The following PGCKA1 variants were observed in gnomAD, a reference collection of about 807,000 sequenced individuals.
The protein encoded by PGCKA1 is PDCD10 and GCKIII kinases associated 1, also known as PDCD10 and GCKIII kinases-associated protein 1.
At chr4:37,543,665 G>GAAAAA in the PGCKA1 span, among the ~76,000 whole-genome samples, 1 of 147,942 alleles carries the variant, frequency 6.8e-6, no homozygotes, top group African/African-American at 2.5e-5. Flanking sequence ...CATCTCTACT[G>GAAAAA]AAAAAAAAAA....
the PGCKA1 span, among the ~76,000 whole-genome samples, chr4:37,517,292 AATATAAATAT>A: frequency 1.4e-4 from 21 of 147,670 alleles, no homozygotes; most frequent in South Asian, 2.1e-4. Context: ...AATATGTATA[AATATAAATAT>A]ATATAAATAT....
chr4:37,543,536 T>C, the PGCKA1 span, among the ~76,000 whole-genome samples: 1 of 152,098 alleles, frequency 6.6e-6, no homozygotes, highest in Admixed American at 6.6e-5. Flanking sequence ...TCTGTTCATT[T>C]CATCTCTTGA....
the PGCKA1 span, among the ~76,000 whole-genome samples, chr4:37,458,636 C>A: frequency 6.6e-6 from 1 of 152,168 alleles, no homozygotes; most frequent in Non-Finnish European, 1.5e-5. Context: ...GTTGGCTCAA[C>A]TTGGTTGCAA....
the PGCKA1 span, among the ~76,000 whole-genome samples, chr4:37,535,644 C>T: frequency 6.6e-6 from 1 of 152,184 alleles, no homozygotes; most frequent in Non-Finnish European, 1.5e-5. Flanking sequence ...CATTTTGATT[C>T]CACATTCGTA....
chr4:37,469,593 G>A, the PGCKA1 span, among the ~76,000 whole-genome samples: 1 of 152,132 alleles, frequency 6.6e-6, no homozygotes, highest in Non-Finnish European at 1.5e-5. Flanking sequence ...GCCCTGGAGG[G>A]TTATTAAAAG....
chr4:37,569,041 G>T, the PGCKA1 span, among the ~76,000 whole-genome samples: 1 of 151,654 alleles, frequency 6.6e-6, no homozygotes, highest in East Asian at 2.0e-4. Flanking sequence ...AGGTTGCAGT[G>T]AGCCGAGATG....
chr4:37,484,974 G>GT, the PGCKA1 span, among the ~76,000 whole-genome samples: 1 of 152,184 alleles, frequency 6.6e-6, no homozygotes, highest in East Asian at 1.9e-4. Context: ...GTATGGATGT[G>GT]TTATATCCAC....
At chr4:37,568,065 C>T in the PGCKA1 span, among the ~76,000 whole-genome samples, 1 of 152,150 alleles carries the variant, frequency 6.6e-6, no homozygotes, top group Non-Finnish European at 1.5e-5. Flanking sequence ...GTGAACCCAG[C>T]AGCAAGAAAG....
chr4:37,557,506 A>C, the PGCKA1 span, among the ~76,000 whole-genome samples: 1 of 152,232 alleles, frequency 6.6e-6, no homozygotes. Flanking sequence ...GACCTGCTTC[A>C]TAGATAACCA....
At chr4:37,472,880 A>C in the PGCKA1 span, among the ~76,000 whole-genome samples, 1 of 152,182 alleles carries the variant, frequency 6.6e-6, no homozygotes, top group Admixed American at 6.5e-5. Context: ...TATACTATCT[A>C]TGAGTTATGT....
At chr4:37,513,114 G>T in the PGCKA1 span, among the ~76,000 whole-genome samples, 2 of 144,840 alleles carry the variant, frequency 1.4e-5, no homozygotes, top group East Asian at 2.0e-4. Context: ...AAGAAAGAAA[G>T]AAAGAAAGAA....
the PGCKA1 span, among the ~76,000 whole-genome samples, chr4:37,474,048 A>G: frequency 6.6e-6 from 1 of 152,066 alleles, no homozygotes; most frequent in African/African-American, 2.4e-5. Context: ...ACTGGCTTGG[A>G]CATTGCTATG....
chr4:37,590,533 A>C, the PGCKA1 span: 12 of 1,614,050 alleles, frequency 7.4e-6, no homozygotes, highest in Admixed American at 2.0e-4. Context: ...AGTCATGAGA[A>C]ATGGAGACTC....
chr4:37,479,820 T>A, the PGCKA1 span, among the ~76,000 whole-genome samples: 95,111 of 152,086 alleles, frequency 0.63, 31,110 homozygotes, highest in Non-Finnish European at 0.73. Context: ...CAAGAAGCTG[T>A]TATAATCAGA....
the PGCKA1 span, among the ~76,000 whole-genome samples, chr4:37,561,927 A>G: frequency 2.6e-4 from 39 of 152,326 alleles, 2 homozygotes; most frequent in East Asian, 2.3e-3. Context: ...AAGCTTATCT[A>G]ACACACACAT....
chr4:37,558,246 G>A, the PGCKA1 span, among the ~76,000 whole-genome samples: 24 of 152,306 alleles, frequency 1.6e-4, no homozygotes, highest in East Asian at 4.4e-3. Context: ...TCAGGTTTGA[G>A]TAGAATTGCT....
At chr4:37,514,551 A>G in the PGCKA1 span, among the ~76,000 whole-genome samples, 75 of 152,302 alleles carry the variant, frequency 4.9e-4, no homozygotes, top group African/African-American at 1.5e-3. Flanking sequence ...CCTACAAATT[A>G]AAAGAAATAT....
chr4:37,592,353 G>GGA, the PGCKA1 span, among the ~76,000 whole-genome samples: 596 of 108,156 alleles, frequency 5.5e-3, 22 homozygotes, highest in Non-Finnish European at 6.2e-3. Context: ...CCATCTCTAT[G>GGA]AAAAAAAAAA....
the PGCKA1 span, among the ~76,000 whole-genome samples, chr4:37,578,919 A>G: frequency 1.3e-5 from 2 of 152,176 alleles, no homozygotes; most frequent in Middle Eastern, 3.4e-3. Flanking sequence ...TTAGCGAGGC[A>G]TGGTGGTGCA....
Sources: gnomAD v4.1 joint callset for allele counts (sites outside exome capture counted in the v4.1 genomes callset) on GRCh38, gnomAD v4.1.1 for gene constraint, MANE v1.5 for transcripts, NCBI Gene and HGNC (gene_info 2026-07-23, HGNC 2026-07-21) for gene names.